Variants in VMP1 observed in about 807,000 individuals in gnomAD.
VMP1 encodes the protein vacuole membrane protein 1.
Under a neutral mutation model 56.0 loss-of-function variants are expected in VMP1, and 11 were observed. That is an observed-to-expected ratio of 0.20 (90% CI 0.12 to 0.32). The LOEUF (loss-of-function observed/expected upper bound fraction) is 0.32. Among genes scored for constraint, VMP1 ranks in the 10% least tolerant of loss-of-function variants. VMP1 has a pLI of 1.00. For synonymous variants in VMP1, 149 were observed against 165.0 expected (o/e 0.90, Z 0.74); for missense variants, 296 against 490.3 (o/e 0.60, Z 3.74).
At chr17:59,834,604 C>T (rs2038920552) in intron 10 of VMP1, among the ~76,000 whole-genome samples, 1 of 146,072 alleles carries the variant, frequency 6.8e-6, no homozygotes, top group Non-Finnish European at 1.5e-5. Flanking sequence ...AGATTACAGA[C>T]ACCTGCCACC....
At chr17:59,733,136 C>T (rs1029035995) in intron 2 of VMP1, among the ~76,000 whole-genome samples, 1 of 152,022 alleles carries the variant, frequency 6.6e-6, no homozygotes, top group Non-Finnish European at 1.5e-5. Flanking sequence ...CAGTGAGCTG[C>T]GATCACACCA....
At chr17:59,747,393 TTTTC>T (rs767112031) in intron 5 of VMP1, among the ~76,000 whole-genome samples, 54 of 149,806 alleles carry the variant, frequency 3.6e-4, no homozygotes, top group South Asian at 6.4e-4. Context: ...CCCCGGGTTT[TTTTC>T]TTTCTTTCTT....
rs187357279 is a variant in VMP1, at chr17:59,809,941, C to T, written c.795+1065C>T. ...TCAGTAAGAATAAAAGAGACAAAAT[C>T]CATTCTTCCAATGAAGAATATACTA... is the stretch of plus-strand genomic sequence containing the variant. On this transcript the variant is annotated intron_variant, in intron 8 of 11. Transcript: ENST00000262291. Among the ~76,000 whole-genome samples, 312 of 152,190 alleles carry T rather than the reference C, an allele frequency of 2.1e-3. 12 individuals are homozygous for T. The highest frequency in any genetic ancestry group is 0.02 in the Admixed American group (310 of 15,274).
intron 2 of VMP1, among the ~76,000 whole-genome samples, chr17:59,733,635 G>A (rs1383889306): frequency 6.6e-6 from 1 of 151,868 alleles, no homozygotes; most frequent in Non-Finnish European, 1.5e-5. Context: ...CAGGGAGGTG[G>A]AGGTTGCAGT....
At chr17:59,797,803 C>T (rs1052832267) in intron 7 of VMP1, among the ~76,000 whole-genome samples, 3 of 152,162 alleles carry the variant, frequency 2.0e-5, no homozygotes, top group Non-Finnish European at 2.9e-5. Flanking sequence ...CACTTGAACC[C>T]GGGAGTAGGA....
intron 7 of VMP1, among the ~76,000 whole-genome samples, chr17:59,786,380 T>C (rs2037007163): frequency 6.6e-6 from 1 of 152,234 alleles, no homozygotes; most frequent in Non-Finnish European, 1.5e-5. Context: ...CTATGAAGTG[T>C]GTGCGGTTGC....
chr17:59,712,116 C>G (rs963480785), intron 1 of VMP1, among the ~76,000 whole-genome samples: 1 of 152,188 alleles, frequency 6.6e-6, no homozygotes, highest in African/African-American at 2.4e-5. Context: ...GCATTTAGAA[C>G]AGTGTCTGTA....
chr17:59,798,441 T>C (rs975405940), intron 7 of VMP1, among the ~76,000 whole-genome samples: 2 of 152,244 alleles, frequency 1.3e-5, no homozygotes, highest in Non-Finnish European at 2.9e-5. Context: ...ATGACTTTTT[T>C]ACTTCTTTTT....
intron 7 of VMP1, among the ~76,000 whole-genome samples, chr17:59,807,184 CTTTTTTGT>C (rs2037871087): frequency 4.1e-5 from 6 of 147,520 alleles, no homozygotes; most frequent in Admixed American, 3.4e-4. Flanking sequence ...TGTCCAGCTT[CTTTTTTGT>C]TTTTTTGTTT....
At chr17:59,726,978 C>T (rs967927810) in intron 1 of VMP1, among the ~76,000 whole-genome samples, 16 of 152,214 alleles carry the variant, frequency 1.1e-4, no homozygotes, top group Admixed American at 9.8e-4. Context: ...ATTGAGGTCA[C>T]GTGAAAGGTG....
intron 5 of VMP1, among the ~76,000 whole-genome samples, chr17:59,760,437 A>T (rs909148428): frequency 1.3e-4 from 20 of 152,088 alleles, no homozygotes; most frequent in Non-Finnish European, 2.9e-4. Flanking sequence ...TTAAAGAAGT[A>T]ATTCTGATGT....
chr17:59,747,727 A>T (rs1025667733), intron 5 of VMP1, among the ~76,000 whole-genome samples: 2 of 148,754 alleles, frequency 1.3e-5, no homozygotes, highest in Admixed American at 6.8e-5. Context: ...CCATTTCTTT[A>T]AAAAAAAAAT....
rs779099807 is a variant in VMP1 at position 59,748,891 on chromosome 17, T to TTA, written c.414+9945_414+9946insAT. The stretch of plus-strand genomic sequence containing the variant: ...GTGGATAAATTTATTATTATTATTA[T>TTA]TTATTTTTTTTTTTTGAGACAGAGT... On this transcript the variant is annotated intron_variant, in intron 5 of 11. Coordinates refer to ENST00000262291, the MANE Select transcript of VMP1 (RefSeq NM_030938.5). 4.6e-4 allele frequency among the ~76,000 whole-genome samples: 25 copies of TTA among 54,528 alleles called. 1 individual carries two copies. Among genetic ancestry groups the TTA allele is most frequent in the East Asian group, 1.6e-3 (3 of 1,878 alleles). 35.8% of individuals were successfully genotyped at this position (54,528 alleles called of 152,430 possible).
intron 5 of VMP1, among the ~76,000 whole-genome samples, chr17:59,747,442 C>A (rs2035465631): frequency 6.8e-6 from 1 of 147,774 alleles, no homozygotes; most frequent in African/African-American, 2.5e-5. Context: ...TGGAATCTCA[C>A]TCTGTTGCCC....
intron 2 of VMP1, among the ~76,000 whole-genome samples, chr17:59,732,370 G>C (rs1351051100): frequency 6.6e-6 from 1 of 152,110 alleles, no homozygotes; most frequent in Admixed American, 6.5e-5. Flanking sequence ...AGCCTCCCGA[G>C]TAGCTGGAAT....
chr17:59,795,396 C>A (rs1270300471), intron 7 of VMP1, among the ~76,000 whole-genome samples: 1 of 144,784 alleles, frequency 6.9e-6, no homozygotes, highest in African/African-American at 2.6e-5. Flanking sequence ...GGATTACAGG[C>A]GTGAACCACT....
At chr17:59,770,726 G>A (rs2036393482) in intron 6 of VMP1, among the ~76,000 whole-genome samples, 2 of 151,636 alleles carry the variant, frequency 1.3e-5, no homozygotes, top group Non-Finnish European at 2.9e-5. Context: ...GATTATAGGC[G>A]CACACCACCA....
chr17:59,714,509 G>A (rs1420448628), intron 1 of VMP1, among the ~76,000 whole-genome samples: 2 of 152,104 alleles, frequency 1.3e-5, no homozygotes, highest in Non-Finnish European at 2.9e-5. Flanking sequence ...AAAGAAGAAA[G>A]GTCAGATACA....
chr17:59,726,291 G>GTTTT (rs541555827), intron 1 of VMP1, among the ~76,000 whole-genome samples: 2 of 145,056 alleles, frequency 1.4e-5, no homozygotes, highest in Non-Finnish European at 3.0e-5. Flanking sequence ...AGTTTTTTTT[G>GTTTT]TTTTTTTTTT....
Sources: allele counts gnomAD v4.1 joint callset (sites outside exome capture counted in the v4.1 genomes callset), GRCh38; gene constraint gnomAD v4.1.1; transcripts MANE v1.5; gene names NCBI Gene and HGNC (gene_info 2026-07-23, HGNC 2026-07-21).